VPS26C: variants seen among roughly 807,000 people sequenced by gnomAD.
VPS26C encodes VPS26 endosomal protein sorting factor C, also known as vacuolar protein sorting-associated protein 26C.
In VPS26C, 19 loss-of-function variants were observed where a neutral mutation model predicts 30.6. The ratio of observed to expected loss-of-function variants is 0.62; its 90% CI spans 0.43 to 0.91. VPS26C has a LOEUF of 0.91. Among genes scored for constraint, VPS26C ranks in the 40% least tolerant of loss-of-function variants. The pLI is 0.00. For synonymous variants in VPS26C, 132 were observed against 151.5 expected (o/e 0.87, Z 0.95); for missense variants, 318 against 385.1 (o/e 0.83, Z 1.46).
chr21:37,235,875 A>ATTT (rs1204522798), intron 3 of VPS26C, among the ~76,000 whole-genome samples: 2 of 15,088 alleles, frequency 1.3e-4, no homozygotes, highest in African/African-American at 5.2e-4. Flanking sequence ...ATATATATAT[A>ATTT]TATATTTTTT....
chr21:37,267,486 C>T (rs559620451), upstream of VPS26C: 487 of 602,994 alleles, frequency 8.1e-4, no homozygotes, highest in Middle Eastern at 2.7e-3. Context: ...CCTTCCGGCA[C>T]AAGAGCCGGC....
intron 1 of VPS26C, among the ~76,000 whole-genome samples, chr21:37,251,653 G>T (rs943779953): frequency 3.3e-5 from 5 of 152,184 alleles, no homozygotes; most frequent in African/African-American, 9.7e-5. Flanking sequence ...GAGGCAGGGG[G>T]TATCGATCTT....
At position 37,226,692 on chromosome 21, in the gene VPS26C, CCGAGTGAGTT is replaced by C; in HGVS notation, c.811+952_811+961del. On this transcript the variant is annotated intron_variant, in intron 7 of 7. Transcript: ENST00000309117. This position sits in a 1 kb window ranked among gnomAD's most constrained non-coding sequence, Gnocchi z 4.1. ...ATGATACCCAGGCGCTGCTTAGAGTCCGAGTGAGTTCCAGTCTCGGGCCTGACCGTGCATT... is the reference window on the plus strand; with the variant it reads ...ATGATACCCAGGCGCTGCTTAGAGTCCCAGTCTCGGGCCTGACCGTGCATT... 1 of 152,332 alleles carries C rather than the reference CCGAGTGAGTT, an allele frequency of 6.6e-6. No homozygotes were observed. Among genetic ancestry groups the C allele is most frequent in the Non-Finnish European group, 1.5e-5 (1 of 68,048 alleles). The allele number at this position is 152,332 out of a possible 1,614,324, so 9.4% of individuals were successfully genotyped here.
chr21:37,238,031 G>A (rs2086043120), intron 3 of VPS26C, among the ~76,000 whole-genome samples: 1 of 152,172 alleles, frequency 6.6e-6, no homozygotes, highest in African/African-American at 2.4e-5. Flanking sequence ...TCCCCTCATT[G>A]ACAAGGTTTG....
intron 1 of VPS26C, among the ~76,000 whole-genome samples, chr21:37,265,011 GAAGTAA>G (rs1286186771): frequency 6.6e-6 from 1 of 152,134 alleles, no homozygotes; most frequent in Non-Finnish European, 1.5e-5. Flanking sequence ...AACATTACTC[GAAGTAA>G]AAGAAGCCTG....
chr21:37,265,943 G>T (rs1242168214), intron 1 of VPS26C, among the ~76,000 whole-genome samples: 1 of 137,014 alleles, frequency 7.3e-6, no homozygotes, highest in South Asian at 2.3e-4. Context: ...TTTGAGACGG[G>T]GTCTCACTCT....
At chr21:37,231,804 A>C (rs139003965) in intron 5 of VPS26C, 1,858 of 153,468 alleles carry the variant, frequency 0.012, 41 homozygotes, top group African/African-American at 0.042. Context: ...AGCGGCTGCC[A>C]CTGACAGCCA....
Position 37,267,255 on chromosome 21 carries a change from T to A in VPS26C, c.40A>T (p.Lys14Ter). The A allele has an allele frequency of 1.2e-6, 2 of 1,604,434 alleles. No homozygotes were observed. The highest frequency in any genetic ancestry group is 1.7e-6 in the Non-Finnish European group (2 of 1,174,396). The change falls in exon 1 of 8, where the codon AAA becomes TAA. Residue 14 changes from lysine to a stop codon, truncating the protein, a stop_gained. Transcript: ENST00000309117. LOFTEE classifies it high-confidence loss of function. ...CCACTTACCCCGGCGTGATAAACTT[T>A]ATTCGCTCTTTTAATCTTGATGTCC... The part of the protein sequence containing the change: ...ALDIKIKRAN[K>*]VYHAGEVLSG...
chr21:37,242,413 A>C (rs1386426304), intron 1 of VPS26C, among the ~76,000 whole-genome samples: 1 of 152,128 alleles, frequency 6.6e-6, no homozygotes, highest in Non-Finnish European at 1.5e-5. Context: ...CCTGTGCTGC[A>C]TAGTGGGACT....
intron 5 of VPS26C, chr21:37,232,037 G>A (rs560735293): frequency 1.8e-5 from 5 of 273,598 alleles, no homozygotes; most frequent in Admixed American, 9.5e-5. Context: ...GGGGCCGGGC[G>A]CAGGCCCCGG....
intron 1 of VPS26C, among the ~76,000 whole-genome samples, chr21:37,262,935 T>C (rs1002200198): frequency 6.6e-6 from 1 of 152,004 alleles, no homozygotes; most frequent in Non-Finnish European, 1.5e-5. Flanking sequence ...CAGCTAATTT[T>C]TGTATTTTTA....
chr21:37,267,203 C>CCCCCCCA, intron 1 of VPS26C, 35 bp downstream of exon 1: 6 of 830,082 alleles, frequency 7.2e-6, no homozygotes, highest in Non-Finnish European at 1.0e-5. Context: ...ACCCGCCCAA[C>CCCCCCCA]CCCACCTCCA....
intron 5 of VPS26C, chr21:37,231,450 G>A (rs978610147): frequency 2.6e-5 from 4 of 152,252 alleles, no homozygotes; most frequent in African/African-American, 9.7e-5. Flanking sequence ...CCGGAGAAGG[G>A]AGACGTGCAG....
chr21:37,267,210 TCCATC>T, intron 1 of VPS26C, 23 bp downstream of exon 1: 2 of 352,528 alleles, frequency 5.7e-6, no homozygotes, highest in Non-Finnish European at 1.1e-5. Flanking sequence ...CAACCCCACC[TCCATC>T]CCCACCCCCA....
Position 37,235,881 on chromosome 21 carries a change from T to A in VPS26C, c.352-2439A>T, listed in dbSNP as rs867676309. Reference sequence around the variant, plus strand: ...TATATATATATATATATATATATATTTTTTTTTTTAATTAAAAAATTTTTT... The same window carrying A: ...TATATATATATATATATATATATATATTTTTTTTTAATTAAAAAATTTTTT... On this transcript the variant is annotated intron_variant, in intron 3 of 7. Coordinates refer to ENST00000309117, the MANE Select transcript of VPS26C (RefSeq NM_006052.2). 9.5e-3 allele frequency among the ~76,000 whole-genome samples: 1,321 copies of A among 139,544 alleles called. 9 individuals carry two copies. Among genetic ancestry groups the A allele is most frequent in the African/African-American group, 0.022 (800 of 37,060 alleles). The allele number at this position is 139,544 out of a possible 152,430, so 91.5% of individuals were successfully genotyped here.
Position 37,240,508 on chromosome 21 carries a change from A to G in VPS26C, c.189T>C (p.Tyr63=), listed in dbSNP as rs753854309. ...AKSVGVFEAF[Y]NSVKPIQIIN... Reference sequence around the variant, plus strand: ...CATTCTTTCTTACCTTAACAGAATTATAAAAAGCTTCAAACACACCCACAC... The same window carrying G: ...CATTCTTTCTTACCTTAACAGAATTGTAAAAAGCTTCAAACACACCCACAC... The change falls in exon 2 of 8, where the codon TAT becomes TAC. Residue 63 remains tyrosine, a synonymous_variant. Transcript: ENST00000309117. 6.2e-7 allele frequency: 1 copy of G among 1,614,114 alleles called. No homozygotes were observed. The highest frequency in any genetic ancestry group is 1.7e-5 in the Admixed American group (1 of 59,982).
At chr21:37,240,819 T>C (rs1359234572) in intron 1 of VPS26C, among the ~76,000 whole-genome samples, 180 bp from the exon 2 acceptor site, 1 of 152,200 alleles carries the variant, frequency 6.6e-6, no homozygotes, top group East Asian at 1.9e-4. Flanking sequence ...TGCCCACTGA[T>C]AATGACGTGG....
rs964686766 is a variant in VPS26C at position 37,236,385 on chromosome 21, G to A, written c.351+2075C>T. On this transcript the variant is annotated intron_variant, in intron 3 of 7. Coordinates refer to ENST00000309117, the MANE Select transcript of VPS26C (RefSeq NM_006052.2). ...ATGAATGGATGGATGGATGATGACA[G>A]ATTTAAAAAAACATAATCTTAGTTT... Among the ~76,000 whole-genome samples the A allele has an allele frequency of 1.2e-4, 18 of 152,178 alleles. No homozygotes were observed. In the East Asian group the frequency reaches 1.5e-3, roughly 13 times the overall value.
chr21:37,236,930 A>G (rs2086031395), intron 3 of VPS26C, among the ~76,000 whole-genome samples: 1 of 152,218 alleles, frequency 6.6e-6, no homozygotes, highest in South Asian at 2.1e-4. Flanking sequence ...GCAGCAACAG[A>G]AGCACACAAG....
Sources: gnomAD v4.1 joint callset for allele counts (sites outside exome capture counted in the v4.1 genomes callset) on GRCh38, gnomAD v4.1.1 for gene constraint, Gnocchi (gnomAD v3.1) non-coding constraint, MANE v1.5 for transcripts, NCBI Gene and HGNC (gene_info 2026-07-23, HGNC 2026-07-21) for gene names.